PDE1C: variants seen among roughly 807,000 people sequenced by gnomAD.
The protein encoded by PDE1C is phosphodiesterase 1C, also known as dual specificity calcium/calmodulin-dependent 3',5'-cyclic nucleotide phosphodiesterase 1C.
Under a neutral mutation model 93.1 loss-of-function variants are expected in PDE1C, and 62 were observed. That is an observed-to-expected ratio of 0.67 (90% CI 0.54 to 0.82). The LOEUF (loss-of-function observed/expected upper bound fraction) is 0.82. Ranked by LOEUF, PDE1C falls within the 40% of genes least tolerant of loss-of-function variation. PDE1C has a pLI of 0.00. For synonymous variants in PDE1C, 325 were observed against 310.1 expected (o/e 1.05, Z -0.50); for missense variants, 742 against 884.6 (o/e 0.84, Z 2.04).
At chr7:31,849,469 G>A (rs1005466333) in intron 8 of PDE1C, among the ~76,000 whole-genome samples, 2 of 152,128 alleles carry the variant, frequency 1.3e-5, no homozygotes, top group Non-Finnish European at 2.9e-5. Flanking sequence ...GCAAGAAGGT[G>A]GAACTGAAGC....
the PDE1C span, among the ~76,000 whole-genome samples, chr7:31,675,106 C>T: frequency 3.9e-5 from 6 of 152,178 alleles, no homozygotes; most frequent in Non-Finnish European, 8.8e-5. Context: ...GGGGCAGGTG[C>T]ACTGGCAGCA....
chr7:32,281,768 C>A (rs1367843912), intron 1 of PDE1C, among the ~76,000 whole-genome samples: 1 of 152,108 alleles, frequency 6.6e-6, no homozygotes, highest in African/African-American at 2.4e-5. Context: ...GACTTGGAAC[C>A]AACCCAAATG....
intron 1 of PDE1C, among the ~76,000 whole-genome samples, chr7:32,383,694 TG>T (rs1784573456): frequency 6.6e-6 from 1 of 152,008 alleles, no homozygotes; most frequent in Non-Finnish European, 1.5e-5. Flanking sequence ...GATGGATGGG[TG>T]GTTGGATGGA....
In PDE1C at chr7:32,313,256, A is replaced by T. The variant is rs148010933; in HGVS notation, c.311-103717T>A. ...GATCATTAAAAAGTCAGGAAACAAC[A>T]GGTGCTGGAGAGGATGTGGAGAAAT... is the stretch of plus-strand genomic sequence containing the variant. On this transcript the variant is annotated intron_variant, in intron 1 of 1. Transcript: ENST00000672256. 5.1e-3 allele frequency among the ~76,000 whole-genome samples: 770 copies of T among 152,236 alleles called. 9 individuals are homozygous for T. Among genetic ancestry groups the T allele is most frequent in the African/African-American group, 0.017 (723 of 41,536 alleles).
At chr7:31,895,970 A>G (rs1434360407) in intron 2 of PDE1C, among the ~76,000 whole-genome samples, 4 of 116,138 alleles carry the variant, frequency 3.4e-5, no homozygotes, top group African/African-American at 1.2e-4. Context: ...GCAGCATGAG[A>G]ACAGACTAAT....
chr7:31,828,576 C>T (rs1422798685), intron 11 of PDE1C, among the ~76,000 whole-genome samples: 2 of 152,180 alleles, frequency 1.3e-5, no homozygotes, highest in African/African-American at 4.8e-5. Context: ...AATAGTTCCA[C>T]CCAACTGCAA....
At chr7:31,871,806 C>CA (rs201130446) in intron 6 of PDE1C, among the ~76,000 whole-genome samples, 3,182 of 147,448 alleles carry the variant, frequency 0.022, 62 homozygotes, top group South Asian at 0.066. Context: ...GCGGATTTCT[C>CA]AAAAAAAAAA....
chr7:32,027,456 G>A lies in PDE1C; in HGVS notation c.128+24098C>T, dbSNP rs78197369. Among the ~76,000 whole-genome samples, 588 of 151,780 alleles carry A rather than the reference G, an allele frequency of 3.9e-3. 2 individuals are homozygous for A. The highest frequency in any genetic ancestry group is 0.013 in the African/African-American group (557 of 41,388). ...TTTCTGTTTGTTTGTGCTTATATGT[G>A]TGTTTAAATAGATACCAAGTTATAG... On this transcript the variant is annotated intron_variant, in intron 2 of 17. Coordinates refer to ENST00000396191, the MANE Select transcript of PDE1C (RefSeq NM_001191057.4).
intron 11 of PDE1C, 108 bp downstream of exon 11, chr7:31,837,072 T>A (rs1791209948): frequency 2.6e-6 from 3 of 1,143,328 alleles, no homozygotes; most frequent in Non-Finnish European, 3.6e-6. Flanking sequence ...CCCTCCCCTC[T>A]CCAAAATTAC....
intron 1 of PDE1C, among the ~76,000 whole-genome samples, chr7:32,218,603 T>C (rs1360474258): frequency 6.6e-6 from 1 of 152,260 alleles, no homozygotes; most frequent in African/African-American, 2.4e-5. Flanking sequence ...TTGAGTCATA[T>C]GTAGAGGCTC....
chr7:32,337,283 G>GTCAATCTT (rs1783645970), intron 1 of PDE1C, among the ~76,000 whole-genome samples: 19 of 152,178 alleles, frequency 1.2e-4, no homozygotes, highest in Admixed American at 1.2e-3. Context: ...TCTTGAACAA[G>GTCAATCTT]GCAGACACGT....
At chr7:32,200,597 G>T in intron 2 of PDE1C, among the ~76,000 whole-genome samples, 1 of 152,176 alleles carries the variant, frequency 6.6e-6, no homozygotes, top group Non-Finnish European at 1.5e-5. Context: ...TACCCATTTT[G>T]CTCAAAAACT....
At chr7:31,802,540 AT>A (rs1786200797) in intron 16 of PDE1C, among the ~76,000 whole-genome samples, 1 of 151,572 alleles carries the variant, frequency 6.6e-6, no homozygotes, top group Non-Finnish European at 1.5e-5. Flanking sequence ...ACAGATCTAT[AT>A]TTTCATACGG....
chr7:31,786,409 T>TA, intron 16 of PDE1C: 1 of 152,302 alleles, frequency 6.6e-6, no homozygotes, highest in Middle Eastern at 3.4e-3. Flanking sequence ...CTATCTCTGG[T>TA]AATAAGCTAT....
chr7:31,725,978 A>G, the PDE1C span, among the ~76,000 whole-genome samples: 1 of 152,212 alleles, frequency 6.6e-6, no homozygotes, highest in Non-Finnish European at 1.5e-5. Context: ...AGAACAAATT[A>G]TGCTTACTTC....
intron 3 of PDE1C, among the ~76,000 whole-genome samples, chr7:32,138,991 G>A (rs1159557576): frequency 6.6e-6 from 1 of 152,092 alleles, no homozygotes; most frequent in East Asian, 1.9e-4. Flanking sequence ...CTAGTGTAAT[G>A]GAGGAAAATG....
At chr7:31,979,102 A>C (rs536432088) in intron 2 of PDE1C, among the ~76,000 whole-genome samples, 1 of 152,314 alleles carries the variant, frequency 6.6e-6, no homozygotes, top group South Asian at 2.1e-4. Context: ...ATCATTAATA[A>C]AACATAGCCT....
At chr7:32,238,127 T>G (rs1250094216) in intron 1 of PDE1C, among the ~76,000 whole-genome samples, 3 of 152,126 alleles carry the variant, frequency 2.0e-5, no homozygotes, top group African/African-American at 7.2e-5. Context: ...ATCATTAGAA[T>G]TAATAAGAGA....
chr7:31,969,213 A>C (rs1017787128), intron 2 of PDE1C, among the ~76,000 whole-genome samples: 5 of 152,208 alleles, frequency 3.3e-5, no homozygotes, highest in African/African-American at 9.6e-5. Context: ...CAACCTACAG[A>C]ATGGGAGAAA....
Sources: allele counts gnomAD v4.1 joint callset (sites outside exome capture counted in the v4.1 genomes callset), GRCh38; gene constraint gnomAD v4.1.1; transcripts MANE v1.5; gene names NCBI Gene and HGNC (gene_info 2026-07-23, HGNC 2026-07-21).